The following CREB5 variants were observed in gnomAD, a reference collection of about 807,000 sequenced individuals.
The protein encoded by CREB5 is cAMP responsive element binding protein 5.
Under a neutral mutation model 57.1 loss-of-function variants are expected in CREB5, and 19 were observed. The observed-to-expected ratio is 0.33, with a 90% CI of 0.23 to 0.49. The LOEUF is 0.49. Ranked by LOEUF, CREB5 falls within the 20% of genes least tolerant of loss-of-function variation. The pLI, the probability that CREB5 is intolerant of heterozygous loss-of-function variation, is 0.99. For synonymous variants in CREB5, 238 were observed against 238.3 expected (o/e 1.00, Z 0.01); for missense variants, 579 against 671.6 (o/e 0.86, Z 1.52).
At chr7:28,436,778 C>T (rs549847674) in intron 1 of CREB5, among the ~76,000 whole-genome samples, 2 of 152,036 alleles carry the variant, frequency 1.3e-5, no homozygotes, top group Admixed American at 1.3e-4. Context: ...TAATCATTGC[C>T]TCTGATAAAG....
intron 5 of CREB5, among the ~76,000 whole-genome samples, chr7:28,643,652 G>C (rs1237927016): frequency 1.3e-5 from 2 of 151,860 alleles, no homozygotes; most frequent in Admixed American, 1.3e-4. Context: ...AGAAGCATCA[G>C]GTTTTACCAC....
chr7:28,759,541 CA>C (rs1399759506), intron 7 of CREB5, among the ~76,000 whole-genome samples: 1 of 152,212 alleles, frequency 6.6e-6, no homozygotes, highest in Non-Finnish European at 1.5e-5. Context: ...TTACAATGTA[CA>C]CATTCATGCA....
Position 28,488,227 on chromosome 7 carries a change from G to T in CREB5, c.56G>T (p.Ser19Ile). The change falls in exon 2 of 11, where the codon AGT (serine) becomes ATT (isoleucine). Residue 19 changes from serine to isoleucine, a missense_variant. Ser to Ile is a moderately radical substitution (Grantham distance 142, BLOSUM62 -2). This residue lies in a region of CREB5 where 459 missense variants were observed against 515.7 expected (regional missense o/e 0.89). Coordinates refer to ENST00000357727, the MANE Select transcript of CREB5 (RefSeq NM_182898.4). ...NLEQERPFVC[S>I]APGCSQRFPT... The stretch of plus-strand genomic sequence containing the variant: ...GAGCAGGAGAGGCCGTTTGTCTGCA[G>T]TGCCCCAGGCTGCTCCCAGGTGAGT... 1 of 1,613,916 alleles carries T rather than the reference G, an allele frequency of 6.2e-7. No homozygotes were observed. The highest frequency in any genetic ancestry group is 8.5e-7 in the Non-Finnish European group (1 of 1,179,890).
chr7:28,619,124 A>G (rs556463485), intron 5 of CREB5, among the ~76,000 whole-genome samples: 1 of 152,214 alleles, frequency 6.6e-6, no homozygotes, highest in Non-Finnish European at 1.5e-5. Context: ...AAGCCTTTAA[A>G]TCATCTTATG....
intron 4 of CREB5, among the ~76,000 whole-genome samples, chr7:28,555,109 T>TTGTGTG (rs58647223): frequency 2.7e-5 from 4 of 148,798 alleles, no homozygotes; most frequent in East Asian, 2.0e-4. Flanking sequence ...ATAAGCTGCA[T>TTGTGTG]TGTGTGTGTG....
intron 1 of CREB5, among the ~76,000 whole-genome samples, chr7:28,467,058 G>C (rs1790611215): frequency 6.6e-6 from 1 of 152,206 alleles, no homozygotes; most frequent in African/African-American, 2.4e-5. Flanking sequence ...CGTAGCTGTG[G>C]GAGAGGGGCT....
At chr7:28,505,674 C>T (rs1448764211) in intron 3 of CREB5, among the ~76,000 whole-genome samples, 3 of 152,152 alleles carry the variant, frequency 2.0e-5, no homozygotes, top group South Asian at 2.1e-4. Flanking sequence ...TAAGAGAGGA[C>T]TTAGTAGTGA....
chr7:28,810,131 C>G (rs780281756), intron 9 of CREB5, among the ~76,000 whole-genome samples: 3 of 151,874 alleles, frequency 2.0e-5, no homozygotes, highest in Non-Finnish European at 4.4e-5. Context: ...GGAAGGAACT[C>G]TAGTACCCAG....
chr7:28,786,540 GCCAGGCCTATGGCCTACCTAGGTACTT>G (rs376266094), intron 7 of CREB5, among the ~76,000 whole-genome samples: 1,687 of 152,250 alleles, frequency 0.011, 67 homozygotes, highest in Admixed American at 0.08. Flanking sequence ...GAGCCACTGC[GCCAGGCCTATGGCCTACCTAGGTACTT>G]TAATTTGAAT....
At chr7:28,408,701 G>A (rs1016695249), upstream of CREB5, among the ~76,000 whole-genome samples, 1 of 152,160 alleles carries the variant, frequency 6.6e-6, no homozygotes, top group African/African-American at 2.4e-5. Context: ...TCCCGCGAAG[G>A]GTGGGGCTGT....
intron 4 of CREB5, among the ~76,000 whole-genome samples, chr7:28,519,116 G>T (rs1241821935): frequency 2.0e-5 from 3 of 152,146 alleles, no homozygotes; most frequent in Non-Finnish European, 4.4e-5. Flanking sequence ...CAAACTCCAC[G>T]TTCACAGAGA....
At chr7:28,687,016 G>A (rs1800971195) in intron 5 of CREB5, among the ~76,000 whole-genome samples, 1 of 152,076 alleles carries the variant, frequency 6.6e-6, no homozygotes, top group African/African-American at 2.4e-5. Flanking sequence ...TGTAACTGGT[G>A]AATTGTAAAT....
At chr7:28,551,837 C>CTT in intron 4 of CREB5, among the ~76,000 whole-genome samples, 1 of 148,882 alleles carries the variant, frequency 6.7e-6, no homozygotes, top group Non-Finnish European at 1.5e-5. Context: ...TTCTTTCTTT[C>CTT]TTTCTTTTTC....
chr7:28,772,145 GAGCA>G (rs936665510), intron 7 of CREB5, among the ~76,000 whole-genome samples: 72 of 152,336 alleles, frequency 4.7e-4, no homozygotes, highest in African/African-American at 1.7e-3. Context: ...TCCTCAGAGA[GAGCA>G]GATACTGGTG....
intron 4 of CREB5, among the ~76,000 whole-genome samples, chr7:28,553,488 T>C (rs1255008221): frequency 3.9e-5 from 6 of 152,074 alleles, no homozygotes; most frequent in Admixed American, 3.9e-4. Flanking sequence ...TTCCTGTTTA[T>C]ATGCACACAA....
rs897769179 is a variant in CREB5, at chr7:28,578,031, A to G, written c.464+7494A>G. 5.9e-5 allele frequency among the ~76,000 whole-genome samples: 9 copies of G among 152,348 alleles called. No homozygotes were observed. In the East Asian group the frequency reaches 1.7e-3, roughly 29 times the overall value. On this transcript the variant is annotated intron_variant, in intron 5 of 10. Transcript: ENST00000357727. ...TGATGGTTTTGCCAGAGACAGTTCT[A>G]TGGGAAAATGCAGTCCACTGTCTTG...
chr7:28,819,403 A>G lies in CREB5; in HGVS notation c.*124A>G. On this transcript the variant is annotated 3_prime_UTR_variant, in exon 11 of 11. Transcript: ENST00000357727. ...CTCAGTTCTTCAAAGACTGGCTTTC[A>G]TTTTTATAGTTATTATGGAAATGTT... The G allele has an allele frequency of 3.3e-6, 3 of 913,690 alleles. No homozygotes were observed. Among genetic ancestry groups the G allele is most frequent in the Non-Finnish European group, 4.8e-6 (3 of 629,442 alleles). The allele number at this position is 913,690 out of a possible 1,614,324, so 56.6% of individuals were successfully genotyped here. A position where few individuals can be genotyped will look rare whatever the true frequency, so the allele number is the denominator to read the frequency against.
chr7:28,341,212 C>T (rs1785930403), intron 1 of CREB5, among the ~76,000 whole-genome samples: 1 of 152,064 alleles, frequency 6.6e-6, no homozygotes, highest in African/African-American at 2.4e-5. Flanking sequence ...GCTCCACCTC[C>T]TCTAGTTTCT....
chr7:28,617,664 G>A (rs1335968953), intron 5 of CREB5, among the ~76,000 whole-genome samples: 1 of 152,156 alleles, frequency 6.6e-6, no homozygotes, highest in East Asian at 1.9e-4. Context: ...TGTTCTCCTA[G>A]CACTTAATAA....
Sources: gnomAD v4.1 joint callset for allele counts (sites outside exome capture counted in the v4.1 genomes callset) on GRCh38, gnomAD v4.1.1 for gene constraint, gnomAD v4.1.1 regional missense constraint, MANE v1.5 for transcripts, NCBI Gene and HGNC (gene_info 2026-07-23, HGNC 2026-07-21) for gene names.